The following OSBPL10 variants were observed in gnomAD, a reference collection of about 807,000 sequenced individuals.
OSBPL10 encodes oxysterol-binding protein-related protein 10.
OSBPL10 carries 49 observed loss-of-function variants against 81.7 expected under a neutral mutation model. The observed-to-expected ratio is 0.60, with a 90% CI of 0.48 to 0.76. The LOEUF (loss-of-function observed/expected upper bound fraction) is 0.76. Ranked by LOEUF, OSBPL10 falls within the 30% of genes least tolerant of loss-of-function variation. The pLI, the probability that OSBPL10 is intolerant of heterozygous loss-of-function variation, is 0.00. For synonymous variants in OSBPL10, 419 were observed against 383.6 expected, an observed-to-expected ratio of 1.09 and a Z score of -1.08; for missense variants, 923 against 987.8, an observed-to-expected ratio of 0.93 and a Z score of 0.88.
intron 3 of OSBPL10, among the ~76,000 whole-genome samples, chr3:31,870,213 G>A (rs943853095): frequency 2.6e-5 from 4 of 152,234 alleles, no homozygotes; most frequent in African/African-American, 7.2e-5. Context: ...CCCGCACTCC[G>A]AGCAGCCGGC....
In OSBPL10 at chr3:31,867,078, C is replaced by T. The variant is rs1257806228; in HGVS notation, c.537+9355G>A. ...AAGGAAAATAAGCCCTAACCATATGCCAATCTAACCACAGTGTCTTCACAC... is the reference window on the plus strand; with the variant it reads ...AAGGAAAATAAGCCCTAACCATATGTCAATCTAACCACAGTGTCTTCACAC... On this transcript the variant is annotated intron_variant, in intron 3 of 11. Transcript: ENST00000396556. Among the ~76,000 whole-genome samples, 4 of 152,126 alleles carry T rather than the reference C, an allele frequency of 2.6e-5. No homozygotes were observed. In the South Asian group the frequency reaches 6.2e-4, roughly 24 times the overall value.
Position 32,042,101 on chromosome 3 carries a change from C to A in OSBPL10, n.298+4390G>T, listed in dbSNP as rs145702451. ...GCTATGAGGAAGGCCCGTGGAGAGA[C>A]CATAGGTAGGTTTTTCTACCCACAG... On this transcript the variant is annotated intron_variant and non_coding_transcript_variant, in intron 2 of 3. Transcript: ENST00000479173. 7.2e-5 allele frequency among the ~76,000 whole-genome samples: 11 copies of A among 152,238 alleles called. No homozygotes were observed. In the East Asian group the frequency reaches 2.1e-3, roughly 29 times the overall value.
chr3:31,830,380 C>T, intron 3 of OSBPL10, 149 bp from the exon 4 acceptor site: 5 of 757,534 alleles, frequency 6.6e-6, no homozygotes, highest in Non-Finnish European at 1.0e-5. Flanking sequence ...ACACTGCATG[C>T]CCAAATCCCA....
At chr3:31,957,924 C>T (rs1698056901) in intron 1 of OSBPL10, among the ~76,000 whole-genome samples, 1 of 152,200 alleles carries the variant, frequency 6.6e-6, no homozygotes, top group Admixed American at 6.5e-5. Flanking sequence ...CAGGCGTGAG[C>T]CACCGCACCC....
At chr3:31,882,669 GCACA>G (rs138240925) in intron 1 of OSBPL10, among the ~76,000 whole-genome samples, 10 of 150,482 alleles carry the variant, frequency 6.6e-5, no homozygotes, top group Non-Finnish European at 1.3e-4. Context: ...GTGCACACAC[GCACA>G]CACACACACA....
intron 3 of OSBPL10, among the ~76,000 whole-genome samples, chr3:31,864,391 G>A (rs1006236978): frequency 5.3e-5 from 8 of 152,002 alleles, no homozygotes; most frequent in South Asian, 2.1e-4. Context: ...ACAGACACAC[G>A]CCACCACACC....
chr3:31,853,179 C>T (rs1700812148), intron 3 of OSBPL10, among the ~76,000 whole-genome samples: 1 of 152,182 alleles, frequency 6.6e-6, no homozygotes, highest in Non-Finnish European at 1.5e-5. Context: ...TATCCTAATA[C>T]AGGTAGTCAG....
At chr3:31,920,883 G>A (rs1400634746) in intron 1 of OSBPL10, among the ~76,000 whole-genome samples, 4 of 152,140 alleles carry the variant, frequency 2.6e-5, no homozygotes, top group African/African-American at 9.7e-5. Flanking sequence ...CTTCCACCAT[G>A]ATTGGAAGCT....
chr3:31,984,119 G>A (rs555876624), upstream of OSBPL10, among the ~76,000 whole-genome samples: 1 of 152,154 alleles, frequency 6.6e-6, no homozygotes, highest in East Asian at 1.9e-4. Context: ...CTCACTGCAA[G>A]CCCTGCCTCC....
chr3:31,773,522 A>G (rs889679481), intron 4 of OSBPL10, among the ~76,000 whole-genome samples: 15 of 152,222 alleles, frequency 9.9e-5, no homozygotes, highest in South Asian at 2.1e-4. Flanking sequence ...GTTTGTGCCT[A>G]TCGTTGTCCC....
At chr3:32,010,636 G>A (rs1699245338) in intron 2 of OSBPL10, among the ~76,000 whole-genome samples, 1 of 152,198 alleles carries the variant, frequency 6.6e-6, no homozygotes, top group Non-Finnish European at 1.5e-5. Context: ...GCCGAAGCAG[G>A]GCGAGGCATC....
chr3:31,842,785 C>T (rs1030160393), intron 3 of OSBPL10, among the ~76,000 whole-genome samples: 9 of 152,106 alleles, frequency 5.9e-5, no homozygotes, highest in African/African-American at 1.9e-4. Context: ...TTAAGTCTAA[C>T]GGATCAACTG....
At chr3:31,815,989 T>A (rs13066975) in intron 4 of OSBPL10, among the ~76,000 whole-genome samples, 1 of 152,062 alleles carries the variant, frequency 6.6e-6, no homozygotes, top group Non-Finnish European at 1.5e-5. Flanking sequence ...AGCTTCCTTC[T>A]GCCTGCAAAG....
chr3:31,810,633 A>G (rs1032896573), intron 4 of OSBPL10, among the ~76,000 whole-genome samples: 17 of 152,236 alleles, frequency 1.1e-4, no homozygotes, highest in African/African-American at 4.1e-4. Context: ...AAATGGGCAA[A>G]AAACATGAAC....
intron 1 of OSBPL10, among the ~76,000 whole-genome samples, chr3:31,894,093 T>C (rs577685442): frequency 1.1e-4 from 17 of 152,316 alleles, no homozygotes; most frequent in African/African-American, 3.6e-4. Context: ...AGAGTTTCAG[T>C]TGACAAGATT....
Position 31,894,205 on chromosome 3 carries a change from G to A in OSBPL10, c.282-14375C>T, listed in dbSNP as rs117534904. On this transcript the variant is annotated intron_variant, in intron 1 of 11. Coordinates refer to ENST00000396556, the MANE Select transcript of OSBPL10 (RefSeq NM_017784.5). ...ATGGATGAATCTGGAGCCCAGGAGC[G>A]GTCGGAGTTGGAGATGTGAATTTGC... Among the ~76,000 whole-genome samples, 269 of 152,220 alleles carry A rather than the reference G, an allele frequency of 1.8e-3. 8 individuals are homozygous for A. In the East Asian group the frequency reaches 0.038, roughly 22 times the overall value.
chr3:31,934,051 T>C (rs932971455), intron 1 of OSBPL10, among the ~76,000 whole-genome samples: 2 of 139,404 alleles, frequency 1.4e-5, no homozygotes, highest in East Asian at 2.1e-4. Context: ...AAGGCATGAA[T>C]AGGCTAATGA....
intron 3 of OSBPL10, among the ~76,000 whole-genome samples, chr3:31,840,061 T>C (rs1168883652): frequency 6.6e-6 from 1 of 151,472 alleles, no homozygotes; most frequent in Admixed American, 6.6e-5. Context: ...TGATTTATTC[T>C]ATGCTCTATT....
At chr3:31,810,137 C>T (rs953657045) in intron 4 of OSBPL10, among the ~76,000 whole-genome samples, 157 of 152,192 alleles carry the variant, frequency 1.0e-3, no homozygotes, top group African/African-American at 3.7e-3. Flanking sequence ...TCCCAAAGTG[C>T]TGGGATCACA....
Sources: gnomAD v4.1 joint callset for allele counts (sites outside exome capture counted in the v4.1 genomes callset) on GRCh38, gnomAD v4.1.1 for gene constraint, MANE v1.5 for transcripts, NCBI Gene and HGNC (gene_info 2026-07-23, HGNC 2026-07-21) for gene names.